Variants in CRBN observed in about 807,000 individuals in gnomAD.
CRBN encodes the protein cereblon, also known as protein cereblon.
In CRBN, 53 loss-of-function variants were observed where a neutral mutation model predicts 62.2. The ratio of observed to expected loss-of-function variants is 0.85; its 90% CI spans 0.68 to 1.07. The LOEUF (loss-of-function observed/expected upper bound fraction) is 1.07, where lower values mean the gene tolerates loss of function less well. Among genes scored for constraint, CRBN ranks in the 50% least tolerant of loss-of-function variants. The pLI, the probability that CRBN is intolerant of heterozygous loss-of-function variation, is 0.00. For missense variants in CRBN, 616 were observed against 531.1 expected, an observed-to-expected ratio of 1.16 and a Z score of -1.57; for synonymous variants, 208 against 176.1, an observed-to-expected ratio of 1.18 and a Z score of -1.43.
intron 4 of CRBN, chr3:3,172,144 A>G (rs1171948604): frequency 6.6e-6 from 1 of 152,410 alleles, no homozygotes; most frequent in Non-Finnish European, 1.5e-5. Context: ...GAAACAGTAT[A>G]CTCAGGGAAT....
intron 7 of CRBN, chr3:3,154,477 GT>G: frequency 9.9e-6 from 5 of 505,412 alleles, no homozygotes; most frequent in South Asian, 2.2e-5. Context: ...CACAGGAAGT[GT>G]TTTTGGATGA....
chr3:3,175,093 T>C, intron 2 of CRBN, 70 bp downstream of exon 2: 1 of 1,054,448 alleles, frequency 9.5e-7, no homozygotes, highest in Non-Finnish European at 1.5e-6. Context: ...ATCAGTCACT[T>C]GTTTTTATGA....
At chr3:3,165,652 G>A (rs1376182542) in intron 5 of CRBN, among the ~76,000 whole-genome samples, 1 of 152,104 alleles carries the variant, frequency 6.6e-6, no homozygotes, top group East Asian at 1.9e-4. Flanking sequence ...ACAGTATTGT[G>A]TGAATAAAAC....
At chr3:3,151,096 G>GC (rs1480176737) in intron 10 of CRBN, 51 bp from the exon 11 acceptor site, 1 of 1,581,972 alleles carries the variant, frequency 6.3e-7, no homozygotes, top group Admixed American at 1.7e-5. Context: ...TGTACTCCAA[G>GC]CCTATCATAT....
rs147952356 is a variant in CRBN at position 3,160,159 on chromosome 3, C to T, written c.688-3878G>A. On this transcript the variant is annotated intron_variant, in intron 5 of 10. Coordinates refer to ENST00000231948, the MANE Select transcript of CRBN (RefSeq NM_016302.4). ...TTCTTAAGCCTCATAACTATGGCTT[C>T]GGCTTTGCCTCCCAACAACGTAGAA... is the stretch of plus-strand genomic sequence containing the variant. Among the ~76,000 whole-genome samples the T allele has an allele frequency of 2.6e-4, 39 of 152,272 alleles. No homozygotes were observed. The East Asian group carries it at 5.0e-3, about 20-fold the overall frequency.
chr3:3,166,622 C>T (rs1707361701), intron 5 of CRBN, among the ~76,000 whole-genome samples: 1 of 152,096 alleles, frequency 6.6e-6, no homozygotes, highest in Admixed American at 6.6e-5. Flanking sequence ...AGTCAAAACA[C>T]ACTGTACCAT....
intron 5 of CRBN, among the ~76,000 whole-genome samples, chr3:3,159,445 TGTA>T (rs1707047776): frequency 6.6e-6 from 1 of 152,112 alleles, no homozygotes; most frequent in Non-Finnish European, 1.5e-5. Flanking sequence ...TGTAAAAAAG[TGTA>T]GTACAAAAGT....
chr3:3,158,287 G>A (rs779827737), intron 5 of CRBN, among the ~76,000 whole-genome samples: 4 of 152,140 alleles, frequency 2.6e-5, no homozygotes, highest in South Asian at 2.1e-4. Context: ...AAGAGGTGGC[G>A]CTCAGCTTCA....
chr3:3,163,813 TA>T (rs1707227648), intron 5 of CRBN, among the ~76,000 whole-genome samples: 1 of 152,182 alleles, frequency 6.6e-6, no homozygotes, highest in Non-Finnish European at 1.5e-5. Context: ...ATACTGCCTT[TA>T]AAAACAAACA....
intron 1 of CRBN, among the ~76,000 whole-genome samples, chr3:3,176,177 C>G (rs1707818379): frequency 6.6e-6 from 1 of 152,120 alleles, no homozygotes; most frequent in South Asian, 2.1e-4. Flanking sequence ...TTTCTCTTCT[C>G]CCTCACCAGT....
In CRBN at chr3:3,174,070, A is replaced by C. The variant is rs1004927003; in HGVS notation, c.366T>G (p.Val122=). The C allele has an allele frequency of 3.1e-6, 5 of 1,613,936 alleles. No individual in the cohort carries two copies. The African/African-American group carries it at 5.3e-5, about 17-fold the overall frequency. Reference sequence around the variant, plus strand: ...CTCTAATATTTTACCTGTATGCAAGAACAGCAAAGGTTCTATCTTTCTGAA... The same window carrying C: ...CTCTAATATTTTACCTGTATGCAAGCACAGCAAAGGTTCTATCTTTCTGAA... ...NLIQKDRTFA[V]LAYSNVQERE... The change falls in exon 3 of 11, where the codon GTT becomes GTG. Residue 122 remains valine (V), a synonymous_variant. Coordinates refer to ENST00000231948, the MANE Select transcript of CRBN (RefSeq NM_016302.4).
intron 5 of CRBN, among the ~76,000 whole-genome samples, chr3:3,160,750 A>G (rs1575088237): frequency 6.6e-6 from 1 of 152,354 alleles, no homozygotes; most frequent in East Asian, 1.9e-4. Context: ...TACCAGCCCT[A>G]TTTTTATTTA....
chr3:3,173,785 A>G (rs1559256853), intron 3 of CRBN: 2 of 464,104 alleles, frequency 4.3e-6, no homozygotes, highest in East Asian at 7.8e-5. Flanking sequence ...GATTCCAGAA[A>G]TGTTTTTCAT....
intron 4 of CRBN, among the ~76,000 whole-genome samples, chr3:3,171,465 G>C (rs911897575): frequency 6.6e-6 from 1 of 151,440 alleles, no homozygotes; most frequent in Non-Finnish European, 1.5e-5. Context: ...ACATAAATAA[G>C]TCTTGGTCAT....
chr3:3,168,333 C>G (rs1707436885), intron 4 of CRBN, among the ~76,000 whole-genome samples: 1 of 152,158 alleles, frequency 6.6e-6, no homozygotes, highest in Non-Finnish European at 1.5e-5. Context: ...CATTCCTTTT[C>G]ACGTTCTTAA....
intron 9 of CRBN, chr3:3,152,966 G>T: frequency 3.3e-6 from 1 of 301,660 alleles, no homozygotes; most frequent in Non-Finnish European, 6.3e-6. Context: ...GCAGAAAGCA[G>T]TTTCCTTACC....
intron 1 of CRBN, 80 bp from the exon 2 acceptor site, chr3:3,175,349 G>T: frequency 9.4e-7 from 1 of 1,065,396 alleles, no homozygotes; most frequent in East Asian, 2.4e-5. Flanking sequence ...TTCAAAAGAG[G>T]GGTACTTCTA....
At chr3:3,179,705 G>A (rs1229698844), upstream of CRBN, 4 of 1,611,796 alleles carry the variant, frequency 2.5e-6, no homozygotes, top group East Asian at 6.7e-5. Flanking sequence ...TACCCGCAAA[G>A]GAGGCTGGGA....
chr3:3,164,902 A>G (rs545725219), intron 5 of CRBN, among the ~76,000 whole-genome samples: 57 of 152,234 alleles, frequency 3.7e-4, no homozygotes, highest in Non-Finnish European at 6.2e-4. Flanking sequence ...GGATCTGGAA[A>G]AAGTAAATTG....
Sources: gnomAD v4.1 joint callset for allele counts (sites outside exome capture counted in the v4.1 genomes callset) on GRCh38, gnomAD v4.1.1 for gene constraint, MANE v1.5 for transcripts, NCBI Gene and HGNC (gene_info 2026-07-23, HGNC 2026-07-21) for gene names.